Variants in ZNF431 observed in about 807,000 individuals in gnomAD.
The protein encoded by ZNF431 is zinc finger protein 431.
ZNF431 carries 34 observed loss-of-function variants against 57.0 expected under a neutral mutation model. The observed-to-expected ratio is 0.60, with a 90% CI of 0.45 to 0.79. ZNF431 has a LOEUF of 0.79. Among genes scored for constraint, ZNF431 ranks in the 30% least tolerant of loss-of-function variants. ZNF431 has a pLI of 0.00. For synonymous variants in ZNF431, 207 were observed against 220.3 expected, an observed-to-expected ratio of 0.94 and a Z score of 0.54; for missense variants, 607 against 667.1, an observed-to-expected ratio of 0.91 and a Z score of 0.99.
intron 2 of ZNF431, among the ~76,000 whole-genome samples, chr19:21,147,993 T>G (rs1970151308): frequency 6.7e-6 from 1 of 150,162 alleles, no homozygotes; most frequent in African/African-American, 2.4e-5. Flanking sequence ...TTAGTGAATT[T>G]TTTTTAATTT....
At chr19:21,169,288 T>C (rs1434616352) in intron 4 of ZNF431, among the ~76,000 whole-genome samples, 1 of 152,192 alleles carries the variant, frequency 6.6e-6, no homozygotes, top group Admixed American at 6.5e-5. Flanking sequence ...AGCAACTTTT[T>C]ACTTATTTCT....
In ZNF431 at chr19:21,194,201, C is replaced by T. The variant is rs1971563665; in HGVS notation, c.*10167C>T. The T allele has an allele frequency of 6.6e-6, 1 of 152,130 alleles. No homozygotes were observed. The highest frequency in any genetic ancestry group is 1.5e-5 in the Non-Finnish European group (1 of 68,020). The allele number at this position is 152,130 out of a possible 1,614,324, so 9.4% of individuals were successfully genotyped here. On this transcript the variant is annotated 3_prime_UTR_variant, in exon 5 of 5. Coordinates refer to ENST00000311048, the MANE Select transcript of ZNF431 (RefSeq NM_133473.4). ...TGATATACAAAAATGAATAGCATTGCCTTACACCAATAACATTCAAGCTGA... is the reference window on the plus strand; with the variant it reads ...TGATATACAAAAATGAATAGCATTGTCTTACACCAATAACATTCAAGCTGA...
In ZNF431 at chr19:21,185,672, G is replaced by C. The variant is rs1250968671; in HGVS notation, c.*1638G>C. On this transcript the variant is annotated 3_prime_UTR_variant, in exon 5 of 5. Transcript: ENST00000311048. ...GATGGGGTTTCACCATATTGGCCAAGCTGGTCTTGAACTCCTGACCTCATG... is the reference window on the plus strand; with the variant it reads ...GATGGGGTTTCACCATATTGGCCAACCTGGTCTTGAACTCCTGACCTCATG... 1 of 152,124 alleles carries C rather than the reference G, an allele frequency of 6.6e-6. No individual in the cohort carries two copies. Among genetic ancestry groups the C allele is most frequent in the African/African-American group, 2.4e-5 (1 of 41,420 alleles). 9.4% of individuals were successfully genotyped at this position (152,124 alleles called of 1,614,324 possible). A position where few individuals can be genotyped will look rare whatever the true frequency, so the allele number is the denominator to read the frequency against.
chr19:21,143,445 G>A (rs978753323), intron 1 of ZNF431, 106 bp from the exon 2 acceptor site: 8 of 874,604 alleles, frequency 9.1e-6, no homozygotes, highest in Non-Finnish European at 1.5e-5. Context: ...GTTTTTTTCT[G>A]GTCGTGGGTT....
At chr19:21,158,593 G>A (rs1006537975) in intron 2 of ZNF431, among the ~76,000 whole-genome samples, 44 of 152,122 alleles carry the variant, frequency 2.9e-4, no homozygotes, top group African/African-American at 1.0e-3. Flanking sequence ...TTCTTTTTGT[G>A]GCAGTTGTGA....
At chr19:21,181,621 T>A (rs1415003584) in intron 4 of ZNF431, among the ~76,000 whole-genome samples, 1 of 152,058 alleles carries the variant, frequency 6.6e-6, no homozygotes, top group Non-Finnish European at 1.5e-5. Flanking sequence ...CATTATTTTT[T>A]CTTTCAGAAT....
intron 2 of ZNF431, among the ~76,000 whole-genome samples, chr19:21,152,959 AAAGT>A (rs1323562409): frequency 6.6e-6 from 1 of 152,216 alleles, no homozygotes; most frequent in Non-Finnish European, 1.5e-5. Context: ...GTTAATGAAG[AAAGT>A]AAGTAAATAG....
chr19:21,142,857 C>T (rs1399023440), intron 1 of ZNF431, among the ~76,000 whole-genome samples: 1 of 152,106 alleles, frequency 6.6e-6, no homozygotes, highest in Non-Finnish European at 1.5e-5. Flanking sequence ...AGTTTTGTTT[C>T]TCTCAATGTA....
chr19:21,172,140 C>CAT (rs1426313030), intron 4 of ZNF431, among the ~76,000 whole-genome samples: 1 of 150,728 alleles, frequency 6.6e-6, no homozygotes, highest in Non-Finnish European at 1.5e-5. Flanking sequence ...GTTGTAAAAA[C>CAT]ATAACAGGCC....
In ZNF431 at chr19:21,183,961, C is replaced by T. The variant is rs1599623105; in HGVS notation, c.1658C>T (p.Ser553Leu). The change falls in exon 5 of 5, where the codon TCA (serine) becomes TTA (leucine). Residue 553 changes from serine to leucine, a missense_variant. Coordinates refer to ENST00000311048, the MANE Select transcript of ZNF431 (RefSeq NM_133473.4). The part of the protein sequence containing the change: ...EECDNTFNQS[S>L]NLIKQNNSYW... Reference sequence around the variant, plus strand: ...TGTGACAATACATTTAACCAGTCCTCAAACCTTATTAAACAAAATAATTCA... The same window carrying T: ...TGTGACAATACATTTAACCAGTCCTTAAACCTTATTAAACAAAATAATTCA... 6.2e-7 allele frequency: 1 copy of T among 1,600,932 alleles called. No homozygotes were observed. The highest frequency in any genetic ancestry group is 1.8e-5 in the Admixed American group (1 of 56,788).
chr19:21,161,429 T>C (rs1294477856), intron 2 of ZNF431, among the ~76,000 whole-genome samples: 4 of 152,180 alleles, frequency 2.6e-5, no homozygotes, highest in Non-Finnish European at 4.4e-5. Context: ...AGAATACATA[T>C]ATATCATCTG....
In ZNF431 at chr19:21,193,743, CAA is replaced by C. The variant is rs889548710; in HGVS notation, c.*9710_*9711del. 33 of 152,118 alleles carry C rather than the reference CAA, an allele frequency of 2.2e-4. No homozygotes were observed. Among genetic ancestry groups the C allele is most frequent in the African/African-American group, 8.0e-4 (33 of 41,432 alleles). 9.4% of individuals were successfully genotyped at this position (152,118 alleles called of 1,614,324 possible). On this transcript the variant is annotated 3_prime_UTR_variant, in exon 5 of 5. Coordinates refer to ENST00000311048, the MANE Select transcript of ZNF431 (RefSeq NM_133473.4). Reference sequence around the variant, plus strand: ...ATGTGCAAGGATGTTTCATCATATACAAGTCAATAAGTGTGTTTCACCATACA... The same window carrying C: ...ATGTGCAAGGATGTTTCATCATATACGTCAATAAGTGTGTTTCACCATACA...
chr19:21,143,466 CTG>C, intron 1 of ZNF431, 83 bp from the exon 2 acceptor site: 1 of 1,082,362 alleles, frequency 9.2e-7, no homozygotes, highest in Non-Finnish European at 1.4e-6. Flanking sequence ...TCAGTGCTGT[CTG>C]GGGATGAACT....
intron 4 of ZNF431, among the ~76,000 whole-genome samples, chr19:21,171,363 G>A (rs569946250): frequency 2.0e-5 from 3 of 150,342 alleles, no homozygotes; most frequent in African/African-American, 4.9e-5. Context: ...CTCTTATTAC[G>A]CAGTTTCTTA....
intron 2 of ZNF431, among the ~76,000 whole-genome samples, chr19:21,159,803 T>G (rs1021759230): frequency 1.3e-5 from 2 of 152,164 alleles, no homozygotes; most frequent in Admixed American, 6.6e-5. Context: ...GTCCTGTTCT[T>G]TTTTTGGTTA....
At chr19:21,179,894 T>A (rs1355329711) in intron 4 of ZNF431, among the ~76,000 whole-genome samples, 3 of 152,092 alleles carry the variant, frequency 2.0e-5, no homozygotes, top group Non-Finnish European at 2.9e-5. Flanking sequence ...TTTCAAATAA[T>A]TTTTTGATTT....
chr19:21,169,285 T>A (rs1326872313), intron 4 of ZNF431, among the ~76,000 whole-genome samples: 1 of 152,114 alleles, frequency 6.6e-6, no homozygotes, highest in African/African-American at 2.4e-5. Flanking sequence ...AACAGCAACT[T>A]TTTACTTATT....
intron 2 of ZNF431, among the ~76,000 whole-genome samples, chr19:21,153,583 A>G (rs80212111): frequency 0.031 from 3,442 of 109,672 alleles, no homozygotes; most frequent in South Asian, 0.041. Flanking sequence ...TCTTTGTCAT[A>G]TACATTTCTT....
chr19:21,168,677 T>C (rs1023676867), intron 4 of ZNF431, among the ~76,000 whole-genome samples: 1 of 152,022 alleles, frequency 6.6e-6, no homozygotes, highest in African/African-American at 2.4e-5. Context: ...ACATGAAATA[T>C]TTTAAAATTT....
Sources: allele counts gnomAD v4.1 joint callset (sites outside exome capture counted in the v4.1 genomes callset), GRCh38; gene constraint gnomAD v4.1.1; transcripts MANE v1.5; gene names NCBI Gene and HGNC (gene_info 2026-07-23, HGNC 2026-07-21).